The following JAKMIP2 variants were observed in gnomAD, a reference collection of about 807,000 sequenced individuals.
JAKMIP2 encodes janus kinase and microtubule-interacting protein 2.
A neutral mutation model predicts 115.0 loss-of-function variants in JAKMIP2; 25 were observed. The observed-to-expected ratio is 0.22, with a 90% CI of 0.16 to 0.30. The LOEUF is 0.30. Among genes scored for constraint, JAKMIP2 ranks in the 10% least tolerant of loss-of-function variants. JAKMIP2 has a pLI of 1.00. For synonymous variants in JAKMIP2, 334 were observed against 343.6 expected, an observed-to-expected ratio of 0.97 and a Z score of 0.31; for missense variants, 642 against 957.6, an observed-to-expected ratio of 0.67 and a Z score of 4.35.
In JAKMIP2 at chr5:147,661,026, G is replaced by A; in HGVS notation, c.549C>T (p.Asp183=). 6.2e-7 allele frequency: 1 copy of A among 1,613,928 alleles called. No homozygotes were observed. Residue 183 remains aspartate (D), a synonymous_variant, in exon 3 of 22, where the codon GAC becomes GAT. Coordinates refer to ENST00000616793, the MANE Select transcript of JAKMIP2 (RefSeq NM_001270941.2). ...MIQADKIKAG[D]LRSEHQSHQE... The stretch of plus-strand genomic sequence containing the variant: ...GGTGGGACTGATGCTCACTCCGAAG[G>A]TCCCCAGCCTTGATTTTATCTGCTT...
chr5:147,631,623 A>G, intron 13 of JAKMIP2, 112 bp from the exon 14 acceptor site: 1 of 575,248 alleles, frequency 1.7e-6, no homozygotes, highest in Non-Finnish European at 2.9e-6. Context: ...CATTTGGCAA[A>G]AAGAAAAAAA....
At chr5:147,607,296 T>C (rs1756068494) in intron 20 of JAKMIP2, among the ~76,000 whole-genome samples, 1 of 152,214 alleles carries the variant, frequency 6.6e-6, no homozygotes, top group Non-Finnish European at 1.5e-5. Flanking sequence ...TTCAGTATGA[T>C]ATTGGCTGTG....
rs186844007 is a variant in JAKMIP2, at chr5:147,594,766, C to A, written c.*21-3080G>T. ...CATCTCTGACACCTTCCACTCCTCA[C>A]CCTTTATATGCAATTTGTCATAAAG... On this transcript the variant is annotated intron_variant, in intron 21 of 21. Transcript: ENST00000616793. 6.0e-3 allele frequency among the ~76,000 whole-genome samples: 920 copies of A among 152,248 alleles called. 9 individuals are homozygous for A. Among genetic ancestry groups the A allele is most frequent in the Non-Finnish European group, 7.8e-3 (528 of 68,018 alleles).
chr5:147,778,813 C>A (rs1319774266), intron 1 of JAKMIP2, among the ~76,000 whole-genome samples: 2 of 152,048 alleles, frequency 1.3e-5, no homozygotes, highest in Non-Finnish European at 2.9e-5. Flanking sequence ...ATCTTATATT[C>A]TCCAAGGAAA....
intron 9 of JAKMIP2, 106 bp downstream of exon 9, chr5:147,640,598 G>T: frequency 2.5e-6 from 3 of 1,178,774 alleles, no homozygotes; most frequent in South Asian, 1.5e-5. Context: ...AGATCACTTT[G>T]TGCTGTTTAT....
intron 21 of JAKMIP2, among the ~76,000 whole-genome samples, chr5:147,596,023 T>C (rs971367446): frequency 1.3e-5 from 2 of 152,202 alleles, no homozygotes; most frequent in African/African-American, 4.8e-5. Flanking sequence ...AGGTGTTTAC[T>C]AGTTAAAGCA....
chr5:147,656,087 A>G (rs1758658864), intron 3 of JAKMIP2, among the ~76,000 whole-genome samples: 2 of 152,150 alleles, frequency 1.3e-5, no homozygotes, highest in South Asian at 4.1e-4. Context: ...GTTCTTTTGC[A>G]TTTGCTGAGG....
Position 147,689,092 on chromosome 5 carries a change from G to C in JAKMIP2, c.-148-17138C>G, listed in dbSNP as rs538605673. 2.0e-5 allele frequency among the ~76,000 whole-genome samples: 3 copies of C among 150,644 alleles called. 1 individual carries two copies. The highest frequency in any genetic ancestry group is 4.2e-4 in the South Asian group (2 of 4,818). On this transcript the variant is annotated intron_variant, in intron 1 of 21. Coordinates refer to ENST00000616793, the MANE Select transcript of JAKMIP2 (RefSeq NM_001270941.2). ...CTATTTGATTAAAGGCTGATGCCTG[G>C]GGGGGAAAGCGTGCCAGGGTAGTGA...
intron 1 of JAKMIP2, among the ~76,000 whole-genome samples, chr5:147,686,308 A>C (rs1358803576): frequency 6.6e-6 from 1 of 151,980 alleles, no homozygotes; most frequent in African/African-American, 2.4e-5. Context: ...AACTTGAATA[A>C]ATCGTTTTTT....
chr5:147,702,633 A>G (rs187959041), intron 1 of JAKMIP2, among the ~76,000 whole-genome samples: 3,340 of 133,030 alleles, frequency 0.025, 206 homozygotes, highest in African/African-American at 0.099. Flanking sequence ...AGAAAGAAAG[A>G]AAGAAAGAAA....
At chr5:147,597,534 G>C (rs73266283) in intron 21 of JAKMIP2, among the ~76,000 whole-genome samples, 2,103 of 152,206 alleles carry the variant, frequency 0.014, 55 homozygotes, top group African/African-American at 0.049. Context: ...AAATAATCAT[G>C]ATCACCTGTT....
Position 147,612,364 on chromosome 5 carries a change from C to T in JAKMIP2, c.2354G>A (p.Arg785His). ...GATGTCTGTTTTATCTTCTAAGTCA[C>T]GAATTCTCTGAAGAAAGAAAAGAAA... is the stretch of plus-strand genomic sequence containing the variant. ...ELLQQAHQRI[R>H]DLEDKTDIQK... Residue 785 changes from arginine to histidine, a missense_variant, in exon 20 of 22, where the codon CGT becomes CAT. Physicochemically the swap from Arg to His is conservative, Grantham distance 29. Around this residue, in one of 6 missense-constraint regions of JAKMIP2, gnomAD observed 26 missense variants for 50.5 expected, o/e 0.51. Transcript: ENST00000616793. 4.5e-6 allele frequency: 7 copies of T among 1,554,790 alleles called. No homozygotes were observed. The highest frequency in any genetic ancestry group is 6.2e-6 in the Non-Finnish European group (7 of 1,135,428).
intron 1 of JAKMIP2, among the ~76,000 whole-genome samples, chr5:147,702,553 G>GAAGAAAGAAAGAAAGA (rs140762384): frequency 1.9e-5 from 2 of 104,166 alleles, no homozygotes; most frequent in Admixed American, 1.0e-4. Flanking sequence ...GACAAAGAAA[G>GAAGAAAGAAAGAAAGA]AAGAAAGAAA....
intron 1 of JAKMIP2, among the ~76,000 whole-genome samples, chr5:147,739,382 T>C (rs969212919): frequency 6.6e-6 from 1 of 152,038 alleles, no homozygotes; most frequent in African/African-American, 2.4e-5. Flanking sequence ...CTAGGGGTGT[T>C]TTAACTTATG....
intron 1 of JAKMIP2, among the ~76,000 whole-genome samples, chr5:147,771,691 G>T (rs775029922): frequency 6.6e-6 from 1 of 152,006 alleles, no homozygotes; most frequent in Admixed American, 6.6e-5. Context: ...CACAAATAAA[G>T]ACTTGGACAG....
intron 1 of JAKMIP2, among the ~76,000 whole-genome samples, chr5:147,766,944 A>G (rs1755177321): frequency 6.6e-6 from 1 of 152,156 alleles, no homozygotes; most frequent in East Asian, 1.9e-4. Flanking sequence ...AAACTGATAA[A>G]AGCCCTTAAA....
intron 3 of JAKMIP2, among the ~76,000 whole-genome samples, chr5:147,650,783 A>G (rs1438919500): frequency 6.6e-6 from 1 of 152,060 alleles, no homozygotes; most frequent in Non-Finnish European, 1.5e-5. Flanking sequence ...TCCTGTGAAG[A>G]TGTTTTGACT....
At chr5:147,752,727 T>C (rs1221567860) in intron 1 of JAKMIP2, among the ~76,000 whole-genome samples, 1 of 151,968 alleles carries the variant, frequency 6.6e-6, no homozygotes, top group South Asian at 2.1e-4. Flanking sequence ...GATGGAGAGA[T>C]CTAGGACATG....
intron 1 of JAKMIP2, among the ~76,000 whole-genome samples, chr5:147,692,958 TTA>T (rs2126865114): frequency 6.6e-6 from 1 of 152,338 alleles, no homozygotes; most frequent in East Asian, 1.9e-4. Flanking sequence ...TGAATGCTTT[TTA>T]TCTTATATCT....
Sources: gnomAD v4.1 joint callset for allele counts (sites outside exome capture counted in the v4.1 genomes callset) on GRCh38, gnomAD v4.1.1 for gene constraint, gnomAD v4.1.1 regional missense constraint, MANE v1.5 for transcripts, NCBI Gene and HGNC (gene_info 2026-07-23, HGNC 2026-07-21) for gene names.